The following SETBP1 variants were observed in gnomAD, a reference collection of about 807,000 sequenced individuals.
SETBP1 encodes the protein SET-binding protein.
Under a neutral mutation model 101.0 loss-of-function variants are expected in SETBP1, and 9 were observed. That is an observed-to-expected ratio of 0.09 (90% CI 0.05 to 0.16). The LOEUF is 0.16. SETBP1 is among the 10% of genes least tolerant of loss of function. The pLI is 1.00. For synonymous variants in SETBP1, 818 were observed against 788.5 expected (o/e 1.04, Z -0.63); for missense variants, 1,858 against 2,033.8 (o/e 0.91, Z 1.66).
chr18:44,999,591 G>T (rs1237301880), intron 4 of SETBP1, among the ~76,000 whole-genome samples: 1 of 152,154 alleles, frequency 6.6e-6, no homozygotes, highest in Non-Finnish European at 1.5e-5. Context: ...GGCACAATAA[G>T]ATACAAAGTC....
chr18:44,737,020 C>T (rs1056420619), intron 2 of SETBP1, among the ~76,000 whole-genome samples: 5 of 152,064 alleles, frequency 3.3e-5, no homozygotes, highest in African/African-American at 4.8e-5. Flanking sequence ...CCTGGTAGAC[C>T]GTAGACACTT....
intron 2 of SETBP1, among the ~76,000 whole-genome samples, chr18:44,748,122 T>A (rs2070300248): frequency 6.6e-6 from 1 of 150,662 alleles, no homozygotes. Context: ...CTCCTCCTGC[T>A]CCCCTCCCAC....
intron 1 of SETBP1, among the ~76,000 whole-genome samples, chr18:44,694,174 G>T (rs1489932737): frequency 1.3e-5 from 2 of 152,158 alleles, no homozygotes; most frequent in Non-Finnish European, 2.9e-5. Context: ...CTGTTTTCCA[G>T]ATTTTTTAAA....
intron 4 of SETBP1, among the ~76,000 whole-genome samples, chr18:45,018,461 C>T (rs745730944): frequency 7.2e-5 from 11 of 152,102 alleles, no homozygotes; most frequent in Admixed American, 2.0e-4. Context: ...TCTCACTAGC[C>T]CTTTGCTGGG....
chr18:44,974,835 A>G (rs979834422), intron 4 of SETBP1, among the ~76,000 whole-genome samples: 6 of 152,204 alleles, frequency 3.9e-5, no homozygotes, highest in African/African-American at 1.2e-4. Flanking sequence ...TATGTATAAA[A>G]TATGCTACAT....
intron 2 of SETBP1, among the ~76,000 whole-genome samples, chr18:44,863,953 T>G (rs1378817867): frequency 6.6e-6 from 1 of 152,068 alleles, no homozygotes; most frequent in Non-Finnish European, 1.5e-5. Flanking sequence ...CACCCTGCCT[T>G]TTGTGTCAGT....
intron 2 of SETBP1, among the ~76,000 whole-genome samples, chr18:44,845,585 A>G (rs1278320814): frequency 2.6e-5 from 4 of 152,230 alleles, no homozygotes; most frequent in African/African-American, 2.4e-5. Context: ...CTCTAGGGTC[A>G]TAGGCCCCCA....
chr18:44,723,682 C>T (rs2069649808), intron 2 of SETBP1, among the ~76,000 whole-genome samples: 1 of 152,182 alleles, frequency 6.6e-6, no homozygotes, highest in Non-Finnish European at 1.5e-5. Flanking sequence ...ACCTACCACG[C>T]CTTTGCCCAG....
At chr18:44,860,526 C>G (rs143102484) in intron 2 of SETBP1, among the ~76,000 whole-genome samples, 3 of 152,108 alleles carry the variant, frequency 2.0e-5, no homozygotes, top group South Asian at 2.1e-4. Flanking sequence ...GTGGGCAGAT[C>G]ACCTGAGGTT....
intron 4 of SETBP1, among the ~76,000 whole-genome samples, chr18:45,020,293 A>AAAAAAAAAAAAG (rs1568032212): frequency 8.2e-5 from 11 of 133,984 alleles, no homozygotes; most frequent in African/African-American, 3.2e-4. Context: ...AAAAAAAAAA[A>AAAAAAAAAAAAG]AAGTGGCTTC....
chr18:44,735,509 T>G (rs2144425669), intron 2 of SETBP1, among the ~76,000 whole-genome samples: 1 of 152,274 alleles, frequency 6.6e-6, no homozygotes, highest in South Asian at 2.1e-4. Context: ...AAATAAAAGT[T>G]CAACTGAACA....
At chr18:44,974,285 T>C (rs1418336116) in intron 4 of SETBP1, among the ~76,000 whole-genome samples, 3 of 152,030 alleles carry the variant, frequency 2.0e-5, no homozygotes, top group African/African-American at 4.8e-5. Flanking sequence ...AGAATATATC[T>C]CAGAGGGAAG....
chr18:44,950,605 A>C lies in SETBP1; in HGVS notation c.1265A>C (p.Gln422Pro). 1 of 1,614,122 alleles carries C rather than the reference A, an allele frequency of 6.2e-7. No individual in the cohort carries two copies. The highest frequency in any genetic ancestry group is 8.5e-7 in the Non-Finnish European group (1 of 1,180,020). ...ACCAACCATAAGAGGAAAAAAAGACAGTCCATTAAAGCGGTGGTGGAAAAG... is the reference window on the plus strand; with the variant it reads ...ACCAACCATAAGAGGAAAAAAAGACCGTCCATTAAAGCGGTGGTGGAAAAG... Reference protein sequence around the residue: ...DPTNHKRKKRQSIKAVVEKIM... With the variant: ...DPTNHKRKKRPSIKAVVEKIM... The change falls in exon 4 of 6, where the codon CAG becomes CCG. Residue 422 changes from glutamine to proline, a missense_variant. Gln to Pro is a moderately conservative substitution (Grantham distance 76, BLOSUM62 -1). Around this residue, in one of 12 missense-constraint regions of SETBP1, gnomAD observed 581 missense variants for 535.1 expected, o/e 1.09. Transcript: ENST00000649279.
chr18:44,947,486 G>C (rs896815407), intron 3 of SETBP1, among the ~76,000 whole-genome samples: 15 of 144,030 alleles, frequency 1.0e-4, no homozygotes, highest in African/African-American at 3.9e-4. Context: ...CACACCGTTT[G>C]TCCCACTTTT....
At chr18:44,751,982 A>G (rs889217970) in intron 2 of SETBP1, among the ~76,000 whole-genome samples, 1 of 152,090 alleles carries the variant, frequency 6.6e-6, no homozygotes, top group Non-Finnish European at 1.5e-5. Context: ...TCTTTCTCTA[A>G]AGGCTTCACT....
intron 3 of SETBP1, among the ~76,000 whole-genome samples, chr18:44,894,956 TA>T (rs71297942): frequency 0.018 from 2,339 of 132,034 alleles, 36 homozygotes; most frequent in South Asian, 0.059. Flanking sequence ...CTGCAAAACT[TA>T]AAAAAAAAAA....
rs28722969 is a variant in SETBP1, at chr18:44,844,260, C to T, written c.487-24970C>T. ...CTGTGAGGAATATCAGCCCCCTTCC[C>T]CCATATAACTCCTCCTTCTCTCTCC... On this transcript the variant is annotated intron_variant, in intron 2 of 5. Transcript: ENST00000649279. 1.0e-3 allele frequency among the ~76,000 whole-genome samples: 154 copies of T among 152,090 alleles called. 1 individual carries two copies. Among genetic ancestry groups the T allele is most frequent in the African/African-American group, 3.6e-3 (148 of 41,458 alleles).
chr18:44,961,115 G>C (rs1260118055), intron 4 of SETBP1, among the ~76,000 whole-genome samples: 1 of 152,190 alleles, frequency 6.6e-6, no homozygotes, highest in Non-Finnish European at 1.5e-5. Flanking sequence ...AGCAAGGAGA[G>C]AGTCAGAGGG....
intron 2 of SETBP1, among the ~76,000 whole-genome samples, chr18:44,742,971 C>CTCT (rs1172611531): frequency 1.7e-5 from 2 of 118,142 alleles, no homozygotes; most frequent in South Asian, 2.9e-4. Flanking sequence ...CTCTCTCTCT[C>CTCT]CCCCCCTGTC....
Sources: allele counts gnomAD v4.1 joint callset (sites outside exome capture counted in the v4.1 genomes callset), GRCh38; gene constraint gnomAD v4.1.1; regional missense constraint gnomAD v4.1.1; transcripts MANE v1.5; gene names NCBI Gene and HGNC (gene_info 2026-07-23, HGNC 2026-07-21).